Variants in SAMMSON observed in about 807,000 individuals in gnomAD.
SAMMSON encodes the protein long intergenic non-protein coding RNA 1212.
intron 3 of SAMMSON, among the ~76,000 whole-genome samples, chr3:70,037,546 A>G (rs1483130798): frequency 6.6e-6 from 1 of 152,186 alleles, no homozygotes; most frequent in Non-Finnish European, 1.5e-5. Flanking sequence ...ATACACACAG[A>G]CAAATCTGGT....
chr3:70,049,582 C>T (rs1480985683), intron 3 of SAMMSON, among the ~76,000 whole-genome samples: 1 of 151,916 alleles, frequency 6.6e-6, no homozygotes, highest in African/African-American at 2.4e-5. Flanking sequence ...ATCTTGGTAC[C>T]ATGTCTGGTG....
intron 4 of SAMMSON, among the ~76,000 whole-genome samples, chr3:70,194,349 C>A (rs1419598437): frequency 6.6e-6 from 1 of 152,126 alleles, no homozygotes; most frequent in Non-Finnish European, 1.5e-5. Context: ...AATATCTGAG[C>A]CTTCTCAGAT....
intron 4 of SAMMSON, among the ~76,000 whole-genome samples, chr3:70,106,429 C>A (rs1367488573): frequency 6.6e-6 from 1 of 151,106 alleles, no homozygotes; most frequent in Non-Finnish European, 1.5e-5. Flanking sequence ...TAGTTTCAAA[C>A]TTATGGGCTC....
At chr3:70,025,612 T>C (rs2067034438) in intron 3 of SAMMSON, among the ~76,000 whole-genome samples, 1 of 151,990 alleles carries the variant, frequency 6.6e-6, no homozygotes, top group Non-Finnish European at 1.5e-5. Context: ...AGTCAGAAAA[T>C]AGCAAACAGA....
intron 3 of SAMMSON, among the ~76,000 whole-genome samples, chr3:70,048,744 T>A (rs1308658836): frequency 1.3e-5 from 2 of 152,160 alleles, no homozygotes; most frequent in Non-Finnish European, 2.9e-5. Flanking sequence ...TCACTATGTC[T>A]GCATTATATT....
At chr3:70,226,669 C>T (rs139293941) in intron 4 of SAMMSON, among the ~76,000 whole-genome samples, 3,297 of 146,344 alleles carry the variant, frequency 0.023, 106 homozygotes, top group African/African-American at 0.077. Flanking sequence ...GCCTGGGAAG[C>T]GGAGGTTGCA....
At chr3:70,290,877 T>C (rs540845193) in intron 6 of SAMMSON, among the ~76,000 whole-genome samples, 131 of 152,310 alleles carry the variant, frequency 8.6e-4, no homozygotes, top group African/African-American at 3.1e-3. Flanking sequence ...CGCTGACCCC[T>C]TGCGCTTCCC....
chr3:70,248,501 A>G (rs1257144166), intron 4 of SAMMSON, among the ~76,000 whole-genome samples: 1 of 152,150 alleles, frequency 6.6e-6, no homozygotes, highest in African/African-American at 2.4e-5. Flanking sequence ...GGCATAGCTC[A>G]GAACTTGGAG....
chr3:70,331,764 G>A (rs1317600116), intron 7 of SAMMSON, among the ~76,000 whole-genome samples: 1 of 152,188 alleles, frequency 6.6e-6, no homozygotes, highest in East Asian at 1.9e-4. Context: ...CTATTAATGA[G>A]GTAGTAAAGA....
intron 9 of SAMMSON, among the ~76,000 whole-genome samples, chr3:70,361,550 T>C (rs1278781125): frequency 2.0e-5 from 3 of 152,192 alleles, no homozygotes; most frequent in South Asian, 2.1e-4. Context: ...AGCATCTGCA[T>C]TGGGCATGAG....
chr3:70,322,392 T>C (rs1008955797), intron 7 of SAMMSON, among the ~76,000 whole-genome samples: 1 of 152,154 alleles, frequency 6.6e-6, no homozygotes, highest in Non-Finnish European at 1.5e-5. Context: ...CATCTCCTAA[T>C]TGTCAAGTTC....
chr3:70,206,497 T>C (rs1431579210), intron 4 of SAMMSON: 2 of 396,386 alleles, frequency 5.0e-6, no homozygotes, highest in African/African-American at 2.1e-5. Context: ...CCTAACAGCA[T>C]ATGTGATGAT....
At chr3:70,032,518 C>T (rs66533134) in intron 3 of SAMMSON, among the ~76,000 whole-genome samples, 8,773 of 152,254 alleles carry the variant, frequency 0.058, 352 homozygotes, top group South Asian at 0.13. Context: ...AACAACTTTA[C>T]TGTAGCATTT....
chr3:70,223,684 TC>T (rs1195952617), intron 4 of SAMMSON, among the ~76,000 whole-genome samples: 1 of 152,132 alleles, frequency 6.6e-6, no homozygotes, highest in African/African-American at 2.4e-5. Flanking sequence ...AAATTTCTTT[TC>T]CCAAGTTATT....
intron 4 of SAMMSON, among the ~76,000 whole-genome samples, chr3:70,187,456 G>C (rs1444027397): frequency 9.9e-5 from 1 of 10,068 alleles, no homozygotes; most frequent in Non-Finnish European, 1.8e-4. Flanking sequence ...TTTTTTTTTT[G>C]AGACGGAGTT....
At chr3:70,118,944 G>A (rs139329326) in intron 4 of SAMMSON, among the ~76,000 whole-genome samples, 1 of 152,072 alleles carries the variant, frequency 6.6e-6, no homozygotes, top group Non-Finnish European at 1.5e-5. Context: ...TTGAATATAT[G>A]GACCATTTCC....
chr3:70,006,446 A>G (rs1410241401), intron 1 of SAMMSON, among the ~76,000 whole-genome samples: 1 of 152,310 alleles, frequency 6.6e-6, no homozygotes, highest in Non-Finnish European at 1.5e-5. Context: ...GAAGCTGGAT[A>G]CAAAGACTCA....
intron 7 of SAMMSON, among the ~76,000 whole-genome samples, chr3:70,307,202 G>A (rs1368721022): frequency 6.6e-6 from 1 of 152,098 alleles, no homozygotes; most frequent in East Asian, 1.9e-4. Flanking sequence ...TGTTTTGGTG[G>A]TGGTGTTGTT....
chr3:70,254,643 C>T lies in SAMMSON; in HGVS notation n.674+4973C>T, dbSNP rs560486436. Among the ~76,000 whole-genome samples the T allele has an allele frequency of 2.6e-5, 4 of 152,184 alleles. No homozygotes were observed. In the South Asian group the frequency reaches 8.3e-4, roughly 32 times the overall value. ...TTTTCCACTATGAAATCAGGGACTACCTAGAAGTTTACTATTTAAGTTTAT... is the reference window on the plus strand; with the variant it reads ...TTTTCCACTATGAAATCAGGGACTATCTAGAAGTTTACTATTTAAGTTTAT... On this transcript the variant is annotated intron_variant and non_coding_transcript_variant, in intron 6 of 9. Transcript: ENST00000642114.
Sources: gnomAD v4.1 joint callset for allele counts (sites outside exome capture counted in the v4.1 genomes callset) on GRCh38, gnomAD v4.1.1 for gene constraint, MANE v1.5 for transcripts, NCBI Gene and HGNC (gene_info 2026-07-23, HGNC 2026-07-21) for gene names.